Variants in CCP110 observed in about 807,000 individuals in gnomAD.
CCP110 encodes the protein centriolar coiled-coil protein of 110 kDa.
Under a neutral mutation model 105.5 loss-of-function variants are expected in CCP110, and 43 were observed. The observed-to-expected ratio is 0.41, with a 90% CI of 0.32 to 0.53. The LOEUF (loss-of-function observed/expected upper bound fraction) is 0.53. CCP110 is among the 20% of genes least tolerant of loss of function. The probability of loss-of-function intolerance (pLI) is 0.32; values close to 1 mark genes in which losing one functional copy is unlikely to be tolerated. For missense variants in CCP110, 1,016 were observed against 1,189.1 expected (o/e 0.85, Z 2.14); for synonymous variants, 353 against 392.1 (o/e 0.90, Z 1.18).
intron 1 of CCP110, chr16:19,526,286 G>T (rs1273719391): frequency 6.6e-6 from 1 of 152,052 alleles, no homozygotes; most frequent in African/African-American, 2.4e-5. Flanking sequence ...TGCTTTGCTT[G>T]AGTATCCATA....
chr16:19,543,408 A>G (rs1239023261), intron 8 of CCP110, among the ~76,000 whole-genome samples: 1 of 152,202 alleles, frequency 6.6e-6, no homozygotes, highest in Non-Finnish European at 1.5e-5. Context: ...TAAGCTGAGG[A>G]TGTAGGTCAC....
chr16:19,552,279 C>T (rs939995508), exon 15 of CCP110: 5 of 152,150 alleles, frequency 3.3e-5, no homozygotes, highest in African/African-American at 1.2e-4. Context: ...CCTGTACTCC[C>T]AGCATTTTGT....
At chr16:19,526,496 T>C (rs1969678061) in intron 1 of CCP110, 1 of 152,204 alleles carries the variant, frequency 6.6e-6, no homozygotes, top group South Asian at 2.1e-4. Context: ...TAAAAGCTTG[T>C]AAAATAGTCT....
chr16:19,545,343 C>T, intron 10 of CCP110, 133 bp downstream of exon 10: 1 of 534,522 alleles, frequency 1.9e-6, no homozygotes. Flanking sequence ...GAATTACTAG[C>T]AGCATTTAAA....
At position 19,548,914 on chromosome 16, in the gene CCP110, C is replaced by T. The variant is rs992541966; in HGVS notation, c.2986+314C>T. On this transcript the variant is annotated intron_variant, in intron 14 of 14. Transcript: ENST00000381396. The surrounding 1 kb of genome is among the most constrained non-coding windows in gnomAD (Gnocchi z 4.1). ...TTTTTATTTAATGAATAAAAGATAA[C>T]GATCATCTCTGGTGCTAAGTCTGTG... 1.3e-5 allele frequency among the ~76,000 whole-genome samples: 2 copies of T among 152,114 alleles called. No individual in the cohort carries two copies. The highest frequency in any genetic ancestry group is 2.4e-5 in the African/African-American group (1 of 41,418).
At chr16:19,545,188 A>G in exon 10 of CCP110, 1 of 1,602,216 alleles carries the variant, frequency 6.2e-7, no homozygotes, top group Non-Finnish European at 8.5e-7. Flanking sequence ...GAAGTTCGCA[A>G]AGAGAAAATG....
chr16:19,530,441 G>GAGATGGGTGTATCA (rs1208687509), intron 2 of CCP110, among the ~76,000 whole-genome samples: 1 of 151,860 alleles, frequency 6.6e-6, no homozygotes, highest in East Asian at 1.9e-4. Context: ...ACTTTGGGAG[G>GAGATGGGTGTATCA]CTGAGACCAG....
exon 2 of CCP110, chr16:19,527,893 TGAG>T: frequency 6.2e-7 from 1 of 1,613,244 alleles, no homozygotes; most frequent in Non-Finnish European, 8.5e-7. Flanking sequence ...TGGAGGAGTA[TGAG>T]AAGTTCTGTG....
At position 19,548,112 on chromosome 16, in the gene CCP110, T is replaced by C; in HGVS notation, c.2900+98T>C. The C allele has an allele frequency of 1.1e-6, 1 of 882,820 alleles. No homozygotes were observed. Among genetic ancestry groups the C allele is most frequent in the South Asian group, 1.5e-5 (1 of 68,700 alleles). The allele number at this position is 882,820 out of a possible 1,614,324, so 54.7% of individuals were successfully genotyped here. A position where few individuals can be genotyped will look rare whatever the true frequency, so the allele number is the denominator to read the frequency against. On this transcript the variant is annotated intron_variant, in intron 13 of 14. Transcript: ENST00000381396. This position sits in a 1 kb window ranked among gnomAD's most constrained non-coding sequence, Gnocchi z 4.1. ...GTGTTCTTTATGTAAAGGATAATGG[T>C]TTTTCAATGGGATTTTTTTTCTTTA... is the stretch of plus-strand genomic sequence containing the variant.
Position 19,541,800 on chromosome 16 carries a change from C to A in CCP110, c.2050-87C>A, listed in dbSNP as rs1015011180. The A allele has an allele frequency of 8.0e-5, 50 of 624,196 alleles. 1 individual carries two copies. In the Middle Eastern group the frequency reaches 8.4e-4, roughly 11 times the overall value. The allele number at this position is 624,196 out of a possible 1,614,324, so 38.7% of individuals were successfully genotyped here. On this transcript the variant is annotated intron_variant, in intron 5 of 14. Coordinates refer to ENST00000381396, the Ensembl canonical transcript of CCP110. ...AATAAATAATAATTGCTGATAATTACATGTACTTTTGGCTAAGCCTAAAAT... is the reference window on the plus strand; with the variant it reads ...AATAAATAATAATTGCTGATAATTAAATGTACTTTTGGCTAAGCCTAAAAT...
chr16:19,536,742 C>G (rs1284147343), exon 4 of CCP110: 14 of 1,614,020 alleles, frequency 8.7e-6, no homozygotes, highest in Non-Finnish European at 1.2e-5. Flanking sequence ...AAAAGTCTTA[C>G]AGGTTCATAT....
At chr16:19,532,416 C>A (rs774625038) in exon 3 of CCP110, 1 of 1,589,698 alleles carries the variant, frequency 6.3e-7, no homozygotes, top group South Asian at 1.2e-5. Context: ...TGTTTTGCAG[C>A]TTAACATTGA....
Position 19,548,655 on chromosome 16 carries a change from G to A in CCP110, c.2986+55G>A. 1 of 1,100,192 alleles carries A rather than the reference G, an allele frequency of 9.1e-7. No individual in the cohort carries two copies. The highest frequency in any genetic ancestry group is 1.3e-6 in the Non-Finnish European group (1 of 750,684). 68.2% of individuals were successfully genotyped at this position (1,100,192 alleles called of 1,614,324 possible). On this transcript the variant is annotated intron_variant, in intron 14 of 14. Coordinates refer to ENST00000381396, the Ensembl canonical transcript of CCP110. The surrounding 1 kb of genome is among the most constrained non-coding windows in gnomAD (Gnocchi z 4.1). ...TTCAATAGAAGGAAGTGCACAAGCT[G>A]CCCCATAACTCAGGCCATAGAAGTG...
intron 3 of CCP110, among the ~76,000 whole-genome samples, chr16:19,535,411 G>A (rs1970016488): frequency 6.6e-6 from 1 of 152,104 alleles, no homozygotes; most frequent in African/African-American, 2.4e-5. Flanking sequence ...AGGTGCAGGA[G>A]TCTTATTACT....
intron 1 of CCP110, 110 bp from the exon 2 acceptor site, chr16:19,527,757 G>A: frequency 1.3e-6 from 1 of 755,590 alleles, no homozygotes; most frequent in Non-Finnish European, 2.0e-6. Flanking sequence ...GGGAGGACCA[G>A]TTATAGGAAT....
chr16:19,548,011 A>C lies in CCP110; in HGVS notation c.2897A>C (p.Gln966Pro). ...CCTGTTCATAGGCTACTTAGTAGAC[A>C]AGGGTAAGAATGCCACACACGGGTA... Residue 966 changes from glutamine to proline, a missense_variant, in exon 13 of 15, where the codon CAA (glutamine) becomes CCA (proline). Transcript: ENST00000381396. This position sits in a 1 kb window ranked among gnomAD's most constrained non-coding sequence, Gnocchi z 4.1. The C allele has an allele frequency of 6.2e-7, 1 of 1,607,416 alleles. No individual in the cohort carries two copies. The highest frequency in any genetic ancestry group is 8.5e-7 in the Non-Finnish European group (1 of 1,174,012).
intron 2 of CCP110, among the ~76,000 whole-genome samples, chr16:19,530,519 G>A (rs1969827201): frequency 6.6e-6 from 1 of 151,802 alleles, no homozygotes; most frequent in South Asian, 2.1e-4. Flanking sequence ...GGTGGTGGAT[G>A]CCTGTAATCC....
chr16:19,536,753 G>C (rs1226575477), exon 4 of CCP110: 1 of 1,614,110 alleles, frequency 6.2e-7, no homozygotes, highest in South Asian at 1.1e-5. Flanking sequence ...AGGTTCATAT[G>C]CCAAATTACC....
At chr16:19,537,231 C>A (rs368056132) in exon 4 of CCP110, 76 of 1,613,986 alleles carry the variant, frequency 4.7e-5, no homozygotes, top group Non-Finnish European at 6.3e-5. Context: ...AACTTTGGAA[C>A]TGTGAGTGGA....
Sources: allele counts gnomAD v4.1 joint callset (sites outside exome capture counted in the v4.1 genomes callset), GRCh38; gene constraint gnomAD v4.1.1; non-coding constraint Gnocchi (gnomAD v3.1); transcripts MANE v1.5; gene names NCBI Gene and HGNC (gene_info 2026-07-23, HGNC 2026-07-21).